Variants in ASPG observed in about 807,000 individuals in gnomAD.
The protein encoded by ASPG is asparaginase.
A neutral mutation model predicts 63.2 loss-of-function variants in ASPG; 53 were observed. The observed-to-expected ratio is 0.84, with a 90% CI of 0.67 to 1.05. The LOEUF (loss-of-function observed/expected upper bound fraction) is 1.05, where lower values mean the gene tolerates loss of function less well. Among genes scored for constraint, ASPG ranks in the 50% least tolerant of loss-of-function variants. The pLI is 0.00. For synonymous variants in ASPG, 370 were observed against 355.0 expected (o/e 1.04, Z -0.48); for missense variants, 741 against 794.4 (o/e 0.93, Z 0.81).
At position 104,086,215 on chromosome 14, in the gene ASPG, G is replaced by C. The variant is rs2036218754; in HGVS notation, c.82+363G>C. 2.6e-5 allele frequency among the ~76,000 whole-genome samples: 4 copies of C among 152,202 alleles called. No homozygotes were observed. In the South Asian group the frequency reaches 8.3e-4, roughly 32 times the overall value. ...GCCGCTCCTGCTCTGGACACAGAAG[G>C]CTTAGGAGGCTGCCCTGGAGAAGGC... On this transcript the variant is annotated intron_variant, in intron 1 of 15. Transcript: ENST00000551177.
chr14:104,108,752 C>T (rs1004184870), intron 12 of ASPG: 8 of 985,318 alleles, frequency 8.1e-6, no homozygotes, highest in African/African-American at 1.7e-5. Flanking sequence ...GGCAGTCGGC[C>T]GGATTGATTC....
intron 1 of ASPG, among the ~76,000 whole-genome samples, chr14:104,090,671 A>G (rs1053251086): frequency 6.6e-6 from 1 of 152,194 alleles, no homozygotes; most frequent in Admixed American, 6.5e-5. Flanking sequence ...CCCTGTCGTC[A>G]TATGGCCTTC....
At chr14:104,090,793 C>T (rs376343203) in intron 1 of ASPG, among the ~76,000 whole-genome samples, 65 of 152,344 alleles carry the variant, frequency 4.3e-4, no homozygotes, top group African/African-American at 1.4e-3. Flanking sequence ...ATATCACATC[C>T]GTAAAGACAC....
In ASPG at chr14:104,110,721, GGGGCAGCCCCTTCCTC is replaced by G; in HGVS notation, c.1521-780_1521-765del. ...AGTCCCTAAGGGCCCTCCAGAGGAG[GGGGCAGCCCCTTCCTC>G]ACCAGGCCACTTCCCCCAGCCCCTG... On this transcript the variant is annotated intron_variant, in intron 13 of 15. Coordinates refer to ENST00000551177, the MANE Select transcript of ASPG (RefSeq NM_001080464.3). This position sits in a 1 kb window ranked among gnomAD's most constrained non-coding sequence, Gnocchi z 4.7. The G allele has an allele frequency of 1.0e-6, 1 of 985,328 alleles. No individual in the cohort carries two copies. Among genetic ancestry groups the G allele is most frequent in the South Asian group, 4.7e-5 (1 of 21,286 alleles). The allele number at this position is 985,328 out of a possible 1,614,324, so 61.0% of individuals were successfully genotyped here. A position where few individuals can be genotyped will look rare whatever the true frequency, so the allele number is the denominator to read the frequency against.
rs1211834587 is a variant in ASPG at position 104,085,741 on chromosome 14, C to G, written c.-30C>G. 2 of 1,554,920 alleles carry G rather than the reference C, an allele frequency of 1.3e-6. No individual in the cohort carries two copies. Among genetic ancestry groups the G allele is most frequent in the Admixed American group, 3.6e-5 (2 of 55,580 alleles). On this transcript the variant is annotated 5_prime_UTR_variant, in exon 1 of 16. Coordinates refer to ENST00000551177, the MANE Select transcript of ASPG (RefSeq NM_001080464.3). ...AGGCCCTGCGTCCCCGCTGCACACC[C>G]CCGTCCACTCCCGTGGTCCCCGGTC...
intron 1 of ASPG, among the ~76,000 whole-genome samples, chr14:104,086,952 T>C (rs2036237229): frequency 6.6e-6 from 1 of 151,400 alleles, no homozygotes; most frequent in African/African-American, 2.4e-5. Flanking sequence ...GCCAACCACT[T>C]CCCCGCCCCT....
At chr14:104,095,494 A>T (rs1379800161) in intron 3 of ASPG, 37 bp from the exon 4 acceptor site, 1 of 1,610,718 alleles carries the variant, frequency 6.2e-7, no homozygotes, top group Non-Finnish European at 8.5e-7. Flanking sequence ...CCTGCTTGCG[A>T]GGGGCTGGCC....
Position 104,093,493 on chromosome 14 carries a change from C to A in ASPG, c.194C>A (p.Pro65Gln), listed in dbSNP as rs369717755. The change falls in exon 3 of 16, where the codon CCG becomes CAG. Residue 65 changes from proline (P) to glutamine (Q), a missense_variant and splice_region_variant. Pro to Gln is a moderately conservative substitution (Grantham distance 76, BLOSUM62 -1). Transcript: ENST00000551177. ...GLSEDTLVLP[P>Q]ASRNQRILYT... ...CTCCTGCTGTTTCTGTCCCGCAGCC[C>A]GGCCAGCCGCAACCAGAGGATTCTC... 6.8e-6 allele frequency: 11 copies of A among 1,612,218 alleles called. No homozygotes were observed. The African/African-American group carries it at 1.5e-4, about 22-fold the overall frequency.
rs1479762348 is a variant in ASPG at position 104,091,653 on chromosome 14, G to A, written c.83-980G>A. ...GGAGGGCGATGTCAGGGAGGGGTGC[G>A]GCTGGAGGGATATTAGAGGGGGCTG... On this transcript the variant is annotated intron_variant, in intron 1 of 15. Coordinates refer to ENST00000551177, the MANE Select transcript of ASPG (RefSeq NM_001080464.3). This position sits in a 1 kb window ranked among gnomAD's most constrained non-coding sequence, Gnocchi z 6.4. Among the ~76,000 whole-genome samples the A allele has an allele frequency of 6.6e-6, 1 of 152,118 alleles. No individual in the cohort carries two copies. Among genetic ancestry groups the A allele is most frequent in the East Asian group, 1.9e-4 (1 of 5,184 alleles).
rs1210521764 is a variant in ASPG, at chr14:104,109,565, T to C, written c.1520+250T>C. 6.6e-6 allele frequency among the ~76,000 whole-genome samples: 1 copy of C among 150,956 alleles called. No homozygotes were observed. On this transcript the variant is annotated intron_variant, in intron 13 of 15. Transcript: ENST00000551177. The surrounding 1 kb of genome is among the most constrained non-coding windows in gnomAD (Gnocchi z 4.8). ...CAGCAAGGGTGTCTCTGTGTGCACA[T>C]GTGTGCATGTGTGTATGCATGTGTG...
intron 1 of ASPG, among the ~76,000 whole-genome samples, chr14:104,088,198 G>C (rs1464711085): frequency 6.6e-6 from 1 of 152,184 alleles, no homozygotes; most frequent in Non-Finnish European, 1.5e-5. Flanking sequence ...GGTGAGAGGG[G>C]AGTGGTGGCT....
chr14:104,111,139 G>C (rs751959299), intron 13 of ASPG: 22 of 985,462 alleles, frequency 2.2e-5, no homozygotes, highest in Non-Finnish European at 2.7e-5. Flanking sequence ...GTGTGCAAAG[G>C]CGCATGTGCT....
In ASPG at chr14:104,110,057, A is replaced by AGC. The variant is rs2141059306; in HGVS notation, c.1520+742_1520+743insGC. 1.0e-6 allele frequency: 1 copy of AGC among 985,358 alleles called. No homozygotes were observed. Among genetic ancestry groups the AGC allele is most frequent in the South Asian group, 4.7e-5 (1 of 21,280 alleles). The allele number at this position is 985,358 out of a possible 1,614,324, so 61.0% of individuals were successfully genotyped here. On this transcript the variant is annotated intron_variant, in intron 13 of 15. Transcript: ENST00000551177. The surrounding 1 kb of genome is among the most constrained non-coding windows in gnomAD (Gnocchi z 4.7). ...CCCACCCCATGCCTTGTGCCTGGTG[A>AGC]CTTGGCGCTGCCTCCTGTGCCCAGC...
intron 11 of ASPG, 27 bp from the exon 12 acceptor site, chr14:104,107,155 G>T (rs1271295213): frequency 6.5e-7 from 1 of 1,533,998 alleles, no homozygotes; most frequent in East Asian, 2.3e-5. Context: ...TCTCCCTCAG[G>T]GGTCGCATGT....
rs1744301 is a variant in ASPG, at chr14:104,107,353, A to G, written c.1433+8A>G. 0.99 allele frequency: 1,544,606 copies of G among 1,554,638 alleles called. 767,880 individuals are homozygous for G. The highest frequency in any genetic ancestry group is 1 in the East Asian group (43,689 of 43,690). On this transcript the variant is annotated splice_region_variant and intron_variant, in intron 12 of 15. Transcript: ENST00000551177. ...GCTGGCCGTGCGGGGCAGGTAATGG[A>G]GCTAGGGCTGCACAGAGCTGCCTTG...
chr14:104,095,763 C>A, intron 4 of ASPG, 107 bp downstream of exon 4: 1 of 1,452,360 alleles, frequency 6.9e-7, no homozygotes. Flanking sequence ...CTGCTCAGCC[C>A]AGCAGCTCCT....
Position 104,107,350 on chromosome 14 carries a change from T to C in ASPG, c.1433+5T>C, listed in dbSNP as rs1199649263. On this transcript the variant is annotated splice_donor_5th_base_variant and intron_variant, in intron 12 of 15. Transcript: ENST00000551177. ...GCTGCTGGCCGTGCGGGGCAGGTAA[T>C]GGAGCTAGGGCTGCACAGAGCTGCC... 1 of 1,565,628 alleles carries C rather than the reference T, an allele frequency of 6.4e-7. No individual in the cohort carries two copies. The highest frequency in any genetic ancestry group is 2.3e-5 in the East Asian group (1 of 43,976).
chr14:104,089,165 C>T (rs1427982804), intron 1 of ASPG, among the ~76,000 whole-genome samples: 3 of 151,986 alleles, frequency 2.0e-5, no homozygotes, highest in Non-Finnish European at 2.9e-5. Context: ...GGACTACAGG[C>T]GCCCGCCACC....
chr14:104,114,215 G>C lies in ASPG; in HGVS notation c.*1671G>C, dbSNP rs909072386. 1 of 152,346 alleles carries C rather than the reference G, an allele frequency of 6.6e-6. No homozygotes were observed. The highest frequency in any genetic ancestry group is 2.4e-5 in the African/African-American group (1 of 41,474). The allele number at this position is 152,346 out of a possible 1,614,324, so 9.4% of individuals were successfully genotyped here. ...CCAGAGCAGGTGCCAACCTGCCAGT[G>C]TAGACACACCGACTGATGCCGGGGG... is the stretch of plus-strand genomic sequence containing the variant. On this transcript the variant is annotated 3_prime_UTR_variant, in exon 16 of 16. Coordinates refer to ENST00000551177, the MANE Select transcript of ASPG (RefSeq NM_001080464.3).
Sources: gnomAD v4.1 joint callset for allele counts (sites outside exome capture counted in the v4.1 genomes callset) on GRCh38, gnomAD v4.1.1 for gene constraint, Gnocchi (gnomAD v3.1) non-coding constraint, MANE v1.5 for transcripts, NCBI Gene and HGNC (gene_info 2026-07-23, HGNC 2026-07-21) for gene names.